The following ANOS1 variants were observed in gnomAD, a reference collection of about 807,000 sequenced individuals.
ANOS1 encodes anosmin-1.
Under a neutral mutation model 59.0 loss-of-function variants are expected in ANOS1, and 6 were observed. The observed-to-expected ratio is 0.10, with a 90% CI of 0.06 to 0.20. ANOS1 has a LOEUF of 0.20. Ranked by LOEUF, ANOS1 falls within the 10% of genes least tolerant of loss-of-function variation. The pLI, the probability that ANOS1 is intolerant of heterozygous loss-of-function variation, is 1.00. For missense variants in ANOS1, 433 were observed against 542.3 expected (o/e 0.80, Z 2.00); for synonymous variants, 217 against 223.4 (o/e 0.97, Z 0.25).
intron 2 of ANOS1, among the ~76,000 whole-genome samples, chrX:8,643,065 A>T (rs5978255): frequency 0.21 from 22,852 of 111,260 alleles, 3,366 homozygotes; most frequent in African/African-American, 0.52. Context: ...AATTACATTA[A>T]CTTAAGGTTT....
intron 9 of ANOS1, among the ~76,000 whole-genome samples, chrX:8,544,768 T>A (rs993196413): frequency 2.7e-5 from 3 of 109,983 alleles, no homozygotes; most frequent in Admixed American, 9.7e-5. Context: ...ATATATTTTT[T>A]AAAAAATTAG....
chrX:8,579,050 C>A lies in ANOS1; in HGVS notation c.856+6217G>T, dbSNP rs144684290. Reference sequence around the variant, plus strand: ...ATATATATTTCCAATCCTAAGCATGCAATATTCTGTATTTTTGTATTTTGT... The same window carrying A: ...ATATATATTTCCAATCCTAAGCATGAAATATTCTGTATTTTTGTATTTTGT... On this transcript the variant is annotated intron_variant, in intron 6 of 13. Transcript: ENST00000262648. Among the ~76,000 whole-genome samples the A allele has an allele frequency of 8.3e-3, 932 of 112,184 alleles. 19 individuals carry two copies. The highest frequency in any genetic ancestry group is 0.028 in the African/African-American group (880 of 30,908).
At chrX:8,588,592 T>C (rs1930562844) in intron 4 of ANOS1, among the ~76,000 whole-genome samples, 1 of 112,316 alleles carries the variant, frequency 8.9e-6, no homozygotes, top group South Asian at 3.7e-4. Context: ...CCCCTATATA[T>C]AGTCTTAATG....
intron 8 of ANOS1, among the ~76,000 whole-genome samples, chrX:8,558,988 G>A: frequency 8.9e-6 from 1 of 112,549 alleles, no homozygotes; most frequent in East Asian, 2.8e-4. Flanking sequence ...GCAGTAATTA[G>A]CTCTTTCTGT....
chrX:8,636,027 T>C (rs985963613), intron 2 of ANOS1, among the ~76,000 whole-genome samples: 2 of 111,457 alleles, frequency 1.8e-5, no homozygotes, highest in Non-Finnish European at 3.8e-5. Flanking sequence ...AGGTCAGAAT[T>C]GAATCTGCAC....
At chrX:8,567,461 C>T (rs1930136934) in intron 8 of ANOS1, among the ~76,000 whole-genome samples, 1 of 111,715 alleles carries the variant, frequency 9.0e-6, no homozygotes, top group South Asian at 3.7e-4. Context: ...AAGTGCCCAA[C>T]TTTGATTTGG....
intron 1 of ANOS1, among the ~76,000 whole-genome samples, chrX:8,721,391 A>C (rs2146911551): frequency 8.9e-6 from 1 of 112,183 alleles, no homozygotes; most frequent in East Asian, 2.8e-4. Flanking sequence ...TCAGGCCTTC[A>C]GTTTTCTTAT....
At chrX:8,666,674 G>A (rs1418217107) in intron 2 of ANOS1, among the ~76,000 whole-genome samples, 3 of 112,165 alleles carry the variant, frequency 2.7e-5, no homozygotes, top group African/African-American at 9.7e-5. Context: ...GAGGAAAAAT[G>A]CTCCACATTC....
intron 1 of ANOS1, among the ~76,000 whole-genome samples, chrX:8,717,598 G>A (rs12009658): frequency 0.023 from 2,595 of 111,595 alleles, 90 homozygotes; most frequent in African/African-American, 0.079. Flanking sequence ...AGGTTTGGCT[G>A]TACTGCTTTC....
Position 8,651,532 on chromosome X carries a change from C to T in ANOS1, c.256-27862G>A, listed in dbSNP as rs751943407. Among the ~76,000 whole-genome samples, 14 of 112,291 alleles carry T rather than the reference C, an allele frequency of 1.2e-4. No homozygotes were observed. The East Asian group carries it at 2.8e-3, about 22-fold the overall frequency. On this transcript the variant is annotated intron_variant, in intron 2 of 13. Coordinates refer to ENST00000262648, the MANE Select transcript of ANOS1 (RefSeq NM_000216.4). Reference sequence around the variant, plus strand: ...ATGGGTAGCCAAGTGTCTTCAATTTCGTAGTCTTACCTGATTTATAACAGG... The same window carrying T: ...ATGGGTAGCCAAGTGTCTTCAATTTTGTAGTCTTACCTGATTTATAACAGG...
At chrX:8,568,478 G>A in intron 7 of ANOS1, 102 bp from the exon 8 acceptor site, 1 of 783,640 alleles carries the variant, frequency 1.3e-6, no homozygotes, top group Non-Finnish European at 1.9e-6. Flanking sequence ...GCCAACTTCT[G>A]ATTTCTTTTA....
At chrX:8,683,743 G>A (rs967288381) in intron 2 of ANOS1, among the ~76,000 whole-genome samples, 2 of 111,662 alleles carry the variant, frequency 1.8e-5, no homozygotes, top group Admixed American at 1.9e-4. Flanking sequence ...AATCATCTTA[G>A]GGCTTGATTT....
intron 2 of ANOS1, among the ~76,000 whole-genome samples, chrX:8,697,911 C>A (rs1932707624): frequency 9.0e-6 from 1 of 111,728 alleles, no homozygotes; most frequent in Non-Finnish European, 1.9e-5. Flanking sequence ...TTACCAGTAA[C>A]CTTATTAACC....
At chrX:8,686,760 T>C (rs1032756011) in intron 2 of ANOS1, among the ~76,000 whole-genome samples, 149 of 111,332 alleles carry the variant, frequency 1.3e-3, no homozygotes, top group African/African-American at 4.8e-3. Flanking sequence ...CAGACCAGCC[T>C]GGCCAACATA....
At chrX:8,544,384 T>C (rs1929733579) in intron 9 of ANOS1, among the ~76,000 whole-genome samples, 1 of 90,134 alleles carries the variant, frequency 1.1e-5, no homozygotes. Context: ...GCATCGGAAA[T>C]GGTGCATTGC....
chrX:8,545,448 C>T (rs997380088), intron 9 of ANOS1, among the ~76,000 whole-genome samples: 2 of 108,570 alleles, frequency 1.8e-5, no homozygotes, highest in Admixed American at 2.0e-4. Context: ...AAGCTTAAAA[C>T]AATTGTTTAT....
intron 1 of ANOS1, among the ~76,000 whole-genome samples, chrX:8,729,874 G>A (rs990619843): frequency 2.7e-5 from 3 of 110,692 alleles, no homozygotes; most frequent in African/African-American, 9.9e-5. Context: ...TAGGGTTAAG[G>A]CTCCCAGAAT....
intron 2 of ANOS1, among the ~76,000 whole-genome samples, chrX:8,626,737 T>C (rs1931401139): frequency 9.3e-6 from 1 of 107,207 alleles, no homozygotes; most frequent in African/African-American, 3.4e-5. Flanking sequence ...GGCGGGCGCC[T>C]GTAGTCCTAG....
chrX:8,611,623 A>G lies in ANOS1; in HGVS notation c.318+11985T>C, dbSNP rs188074074. The stretch of plus-strand genomic sequence containing the variant: ...ATTAAAAGATACTTTATATATAGTA[A>G]AACAAGGATAAGAATCTCAAAGGTT... On this transcript the variant is annotated intron_variant, in intron 3 of 13. Transcript: ENST00000262648. 8.2e-3 allele frequency among the ~76,000 whole-genome samples: 919 copies of G among 111,412 alleles called. 17 individuals are homozygous for G. The highest frequency in any genetic ancestry group is 0.028 in the African/African-American group (867 of 30,787).
Sources: allele counts gnomAD v4.1 joint callset (sites outside exome capture counted in the v4.1 genomes callset), GRCh38; gene constraint gnomAD v4.1.1; transcripts MANE v1.5; gene names NCBI Gene and HGNC (gene_info 2026-07-23, HGNC 2026-07-21).